KIF18B: variants seen among roughly 807,000 people sequenced by gnomAD.
The protein encoded by KIF18B is kinesin family member 18B.
In KIF18B, 49 loss-of-function variants were observed where a neutral mutation model predicts 80.9. The ratio of observed to expected loss-of-function variants is 0.61; its 90% CI spans 0.48 to 0.77. The LOEUF (loss-of-function observed/expected upper bound fraction) is 0.77, where lower values mean the gene tolerates loss of function less well. Among genes scored for constraint, KIF18B ranks in the 30% least tolerant of loss-of-function variants. KIF18B has a pLI of 0.00. For missense variants in KIF18B, 994 were observed against 1,127.7 expected, an observed-to-expected ratio of 0.88 and a Z score of 1.70; for synonymous variants, 439 against 463.9, an observed-to-expected ratio of 0.95 and a Z score of 0.69.
At chr17:44,926,524 G>C in intron 14 of KIF18B, 25 bp from the exon 15 acceptor site, 3 of 1,559,298 alleles carry the variant, frequency 1.9e-6, no homozygotes, top group South Asian at 2.4e-5. Flanking sequence ...GAGGGAAGGT[G>C]GAAGGTTACG....
intron 11 of KIF18B, 137 bp from the exon 12 acceptor site, chr17:44,929,161 C>T (rs1407611674): frequency 4.0e-6 from 3 of 745,948 alleles, no homozygotes; most frequent in African/African-American, 3.5e-5. Flanking sequence ...TCCTGCCTCA[C>T]CCCAGACAGG....
In KIF18B at chr17:44,928,020, A is replaced by G; in HGVS notation, c.2276+6T>C. On this transcript the variant is annotated splice_donor_region_variant and intron_variant, in intron 13 of 15. Coordinates refer to ENST00000593135, the MANE Select transcript of KIF18B (RefSeq NM_001265577.2). ...AGGAGGGGTGGAGCGAGACTGGGAG[A>G]CCCACCTGGGGATGAAGGGCTGGTC... is the stretch of plus-strand genomic sequence containing the variant. 6 of 1,512,698 alleles carry G rather than the reference A, an allele frequency of 4.0e-6. No individual in the cohort carries two copies. The highest frequency in any genetic ancestry group is 5.3e-6 in the Non-Finnish European group (6 of 1,131,130). 93.7% of individuals were successfully genotyped at this position (1,512,698 alleles called of 1,614,324 possible).
rs2052190371 is a variant in KIF18B, at chr17:44,932,936, G to A, written c.1113C>T (p.Thr371=). 4 of 1,607,168 alleles carry A rather than the reference G, an allele frequency of 2.5e-6. No individual in the cohort carries two copies. Among genetic ancestry groups the A allele is most frequent in the Non-Finnish European group, 2.6e-6 (3 of 1,174,310 alleles). ...CCTCAGCCTGGAGCTGTTGGCAGATGGTAGCATACTGGCTGATGTGACAGT... is the reference window on the plus strand; with the variant it reads ...CCTCAGCCTGGAGCTGTTGGCAGATAGTAGCATACTGGCTGATGTGACAGT... ...SLDCHISQYA[T]ICQQLQAEVA... The change falls in exon 8 of 16, where the codon ACC becomes ACT. Residue 371 remains threonine (T), a synonymous_variant. Coordinates refer to ENST00000593135, the MANE Select transcript of KIF18B (RefSeq NM_001265577.2).
In KIF18B at chr17:44,928,548, G is replaced by A; in HGVS notation, c.1754C>T (p.Pro585Leu). 2.7e-6 allele frequency: 4 copies of A among 1,456,588 alleles called. No homozygotes were observed. Among genetic ancestry groups the A allele is most frequent in the Non-Finnish European group, 3.6e-6 (4 of 1,111,666 alleles). 90.2% of individuals were successfully genotyped at this position (1,456,588 alleles called of 1,614,324 possible). The change falls in exon 13 of 16, where the codon CCT becomes CTT. Residue 585 changes from proline to leucine, a missense_variant. By Grantham distance (98) the Pro-to-Leu change is moderately conservative. Transcript: ENST00000593135. ...IPVPSPLCPE[P>L]PGYTGPVTRT... ...GGTCACAGGGCCAGTGTATCCTGGA[G>A]GCTCTGGGCAGAGAGGAGACGGCAC...
intron 3 of KIF18B, 123 bp from the exon 4 acceptor site, chr17:44,935,058 C>T: frequency 1.1e-6 from 1 of 891,330 alleles, no homozygotes; most frequent in Non-Finnish European, 1.7e-6. Context: ...GTGGCGCTTC[C>T]CAGGACTGTG....
Position 44,935,271 on chromosome 17 carries a change from GATGAGCA to G in KIF18B, c.452_458del (p.Val151AlafsTer51). The G allele has an allele frequency of 6.2e-7, 1 of 1,607,076 alleles. No individual in the cohort carries two copies. The highest frequency in any genetic ancestry group is 1.3e-5 in the African/African-American group (1 of 74,888). On this transcript the variant is annotated frameshift_variant, in exon 3 of 16. Coordinates refer to ENST00000593135, the MANE Select transcript of KIF18B (RefSeq NM_001265577.2). LOFTEE classifies it high-confidence loss of function. ...AGGGGCAGCCGACCTCCTGGTAGCTGATGAGCACCTCGAAGTGCTTCTCCTGCTGGCG... is the reference window on the plus strand; with the variant it reads ...AGGGGCAGCCGACCTCCTGGTAGCTGCCTCGAAGTGCTTCTCCTGCTGGCG...
intron 1 of KIF18B, among the ~76,000 whole-genome samples, chr17:44,939,302 C>A (rs55995827): frequency 8.3e-6 from 1 of 120,764 alleles, no homozygotes; most frequent in Non-Finnish European, 1.6e-5. Flanking sequence ...ACTTGGGAGG[C>A]GGAGGTTGCA....
chr17:44,939,851 C>T (rs1336747104), intron 1 of KIF18B, among the ~76,000 whole-genome samples: 3 of 152,058 alleles, frequency 2.0e-5, no homozygotes, highest in Non-Finnish European at 2.9e-5. Flanking sequence ...GTCTCGCTAT[C>T]GCCCAGGCTG....
Position 44,935,434 on chromosome 17 carries a change from A to G in KIF18B, c.314-18T>C, listed in dbSNP as rs1381057572. On this transcript the variant is annotated intron_variant, in intron 2 of 15. Transcript: ENST00000593135. Reference sequence around the variant, plus strand: ...GGCAAACACTGCAGAGGACATAGTAAGGAGGAGGACCCCAGTGCCTTGCCA... The same window carrying G: ...GGCAAACACTGCAGAGGACATAGTAGGGAGGAGGACCCCAGTGCCTTGCCA... 6.3e-7 allele frequency: 1 copy of G among 1,582,464 alleles called. No individual in the cohort carries two copies. The highest frequency in any genetic ancestry group is 1.3e-5 in the African/African-American group (1 of 74,238).
At position 44,935,555 on chromosome 17, in the gene KIF18B, C is replaced by T. The variant is rs113234276; in HGVS notation, c.314-139G>A. ...CCACTAATCACACCCTCCATGTTCCCGCTGCAGGGCTGGAGTTCTCTGTGT... is the reference window on the plus strand; with the variant it reads ...CCACTAATCACACCCTCCATGTTCCTGCTGCAGGGCTGGAGTTCTCTGTGT... On this transcript the variant is annotated intron_variant, in intron 2 of 15. Coordinates refer to ENST00000593135, the MANE Select transcript of KIF18B (RefSeq NM_001265577.2). 9.5e-5 allele frequency: 84 copies of T among 886,038 alleles called. 2 individuals are homozygous for T. The African/African-American group carries it at 1.0e-3, about 11-fold the overall frequency. 54.9% of individuals were successfully genotyped at this position (886,038 alleles called of 1,614,324 possible).
chr17:44,943,417 T>G (rs1237642059), intron 1 of KIF18B, among the ~76,000 whole-genome samples: 1 of 152,134 alleles, frequency 6.6e-6, no homozygotes, highest in African/African-American at 2.4e-5. Flanking sequence ...TTTTTTTAAA[T>G]AGACAATCAT....
chr17:44,933,838 T>C (rs2052212834), intron 7 of KIF18B, 85 bp downstream of exon 7: 7 of 1,273,382 alleles, frequency 5.5e-6, no homozygotes, highest in Non-Finnish European at 7.5e-6. Flanking sequence ...GGCCCAGGGA[T>C]CTATTGGAGC....
rs2052016785 is a variant in KIF18B, at chr17:44,926,007, A to G, written c.*73T>C. On this transcript the variant is annotated 3_prime_UTR_variant, in exon 16 of 16. Coordinates refer to ENST00000593135, the MANE Select transcript of KIF18B (RefSeq NM_001265577.2). ...GGTCCAGCTCCTGGTGCAGGTGGCT[A>G]CAGGTCCAAGAGGGGTATCCAGCAG... The G allele has an allele frequency of 1.3e-6, 2 of 1,527,482 alleles. No individual in the cohort carries two copies. Among genetic ancestry groups the G allele is most frequent in the Middle Eastern group, 1.7e-4 (1 of 5,870 alleles). The allele number at this position is 1,527,482 out of a possible 1,614,324, so 94.6% of individuals were successfully genotyped here.
chr17:44,932,291 G>A (rs755278443), intron 9 of KIF18B, 85 bp from the exon 10 acceptor site: 2 of 1,459,470 alleles, frequency 1.4e-6, no homozygotes, highest in East Asian at 2.3e-5. Context: ...CCAGGTGGGA[G>A]AGCAGGGAGC....
At position 44,940,864 on chromosome 17, in the gene KIF18B, C is replaced by T. The variant is rs551146959; in HGVS notation, c.-14-4506G>A. 3.9e-5 allele frequency among the ~76,000 whole-genome samples: 6 copies of T among 152,282 alleles called. No homozygotes were observed. In the South Asian group the frequency reaches 8.3e-4, roughly 21 times the overall value. On this transcript the variant is annotated intron_variant, in intron 1 of 15. Transcript: ENST00000593135. ...CCCTCATCCCTAAACTTCTTAACTT[C>T]GTCCCCATATAAAACAAGAAAAAGA...
chr17:44,940,744 C>G (rs989499475), intron 1 of KIF18B, among the ~76,000 whole-genome samples: 10 of 152,156 alleles, frequency 6.6e-5, no homozygotes, highest in Admixed American at 2.6e-4. Context: ...GGTCATTCAG[C>G]AAAGAAAAGT....
chr17:44,930,457 A>G (rs1486108261), intron 11 of KIF18B, among the ~76,000 whole-genome samples: 13 of 152,216 alleles, frequency 8.5e-5, no homozygotes, highest in Admixed American at 8.5e-4. Context: ...AAAAAATCTG[A>G]AAAACCACTG....
Position 44,928,025 on chromosome 17 carries a change from C to T in KIF18B, c.2276+1G>A. On this transcript the variant is annotated splice_donor_variant, in intron 13 of 15. Transcript: ENST00000593135. LOFTEE classifies it high-confidence loss of function. ...GGGTGGAGCGAGACTGGGAGACCCA[C>T]CTGGGGATGAAGGGCTGGTCCAGCC... 1.3e-6 allele frequency: 2 copies of T among 1,514,670 alleles called. No individual in the cohort carries two copies. The highest frequency in any genetic ancestry group is 1.8e-6 in the Non-Finnish European group (2 of 1,132,316). 93.8% of individuals were successfully genotyped at this position (1,514,670 alleles called of 1,614,324 possible). A position where few individuals can be genotyped will look rare whatever the true frequency, so the allele number is the denominator to read the frequency against.
At chr17:44,941,896 G>C (rs1366119429) in intron 1 of KIF18B, among the ~76,000 whole-genome samples, 1 of 152,206 alleles carries the variant, frequency 6.6e-6, no homozygotes, top group Non-Finnish European at 1.5e-5. Context: ...CGCCTCCTGA[G>C]GGCCAGTGTG....
Sources: gnomAD v4.1 joint callset for allele counts (sites outside exome capture counted in the v4.1 genomes callset) on GRCh38, gnomAD v4.1.1 for gene constraint, MANE v1.5 for transcripts, NCBI Gene and HGNC (gene_info 2026-07-23, HGNC 2026-07-21) for gene names.